CHD9: variants seen among roughly 807,000 people sequenced by gnomAD.
CHD9 encodes the protein chromodomain helicase DNA binding protein 9.
In CHD9, 77 loss-of-function variants were observed where a neutral mutation model predicts 316.1. The ratio of observed to expected loss-of-function variants is 0.24; its 90% CI spans 0.20 to 0.29. The LOEUF (loss-of-function observed/expected upper bound fraction) is 0.29. Ranked by LOEUF, CHD9 falls within the 10% of genes least tolerant of loss-of-function variation. The pLI, the probability that CHD9 is intolerant of heterozygous loss-of-function variation, is 1.00. For missense variants in CHD9, 2,763 were observed against 3,438.1 expected, an observed-to-expected ratio of 0.80 and a Z score of 4.91; for synonymous variants, 1,129 against 1,158.3, an observed-to-expected ratio of 0.97 and a Z score of 0.51.
intron 28 of CHD9, among the ~76,000 whole-genome samples, chr16:53,292,251 A>T (rs1050661604): frequency 6.6e-6 from 1 of 152,220 alleles, no homozygotes; most frequent in African/African-American, 2.4e-5. Flanking sequence ...CCATAGTTCA[A>T]CTAGGAATGA....
At chr16:53,283,250 T>C (rs976038241) in intron 24 of CHD9, among the ~76,000 whole-genome samples, 2 of 152,222 alleles carry the variant, frequency 1.3e-5, no homozygotes, top group Non-Finnish European at 2.9e-5. Flanking sequence ...CAAGGGCATG[T>C]GCATGACTAT....
intron 2 of CHD9, chr16:53,208,470 AGC>A (rs2046062682): frequency 8.6e-7 from 1 of 1,163,296 alleles, no homozygotes; most frequent in Admixed American, 3.8e-5. Flanking sequence ...CGCCATCTTG[AGC>A]TTGTTGCTGT....
chr16:53,309,845 TA>T (rs1252446707), intron 34 of CHD9, among the ~76,000 whole-genome samples: 2 of 149,246 alleles, frequency 1.3e-5, no homozygotes, highest in East Asian at 1.9e-4. Context: ...AATGAAAATT[TA>T]AAAAAAAAAG....
At chr16:53,196,317 C>A (rs569582182) in intron 2 of CHD9, among the ~76,000 whole-genome samples, 4 of 152,264 alleles carry the variant, frequency 2.6e-5, no homozygotes, top group Admixed American at 2.0e-4. Context: ...TGTAACCAAA[C>A]CTACCTCTCT....
chr16:53,138,484 T>C (rs535962914), intron 1 of CHD9, among the ~76,000 whole-genome samples: 2 of 152,204 alleles, frequency 1.3e-5, no homozygotes, highest in African/African-American at 4.8e-5. Flanking sequence ...AGGAAAGCCA[T>C]AGGGAAGAAA....
At chr16:53,057,379 TGCA>T (rs745902133) in intron 1 of CHD9, among the ~76,000 whole-genome samples, 4 of 149,158 alleles carry the variant, frequency 2.7e-5, no homozygotes, top group Non-Finnish European at 5.9e-5. Flanking sequence ...AAAGGCCGGG[TGCA>T]GTGGCTCATG....
intron 30 of CHD9, among the ~76,000 whole-genome samples, chr16:53,302,697 G>A (rs1401715703): frequency 2.0e-5 from 3 of 152,028 alleles, no homozygotes; most frequent in African/African-American, 7.2e-5. Flanking sequence ...TATTTAATCA[G>A]TTATTTATTC....
intron 6 of CHD9, 32 bp from the exon 7 acceptor site, chr16:53,227,516 A>G: frequency 1.4e-6 from 2 of 1,478,566 alleles, no homozygotes; most frequent in African/African-American, 2.8e-5. Flanking sequence ...GCCTGTTTAA[A>G]AGAGTCACCA....
chr16:53,313,898 AG>A (rs1341946641), intron 34 of CHD9, among the ~76,000 whole-genome samples: 3 of 151,656 alleles, frequency 2.0e-5, no homozygotes, highest in African/African-American at 7.3e-5. Flanking sequence ...GCTTGCAGTG[AG>A]CCAAGATCGT....
At chr16:53,297,924 C>G (rs1487247872) in intron 30 of CHD9, among the ~76,000 whole-genome samples, 1 of 152,164 alleles carries the variant, frequency 6.6e-6, no homozygotes, top group African/African-American at 2.4e-5. Flanking sequence ...AGTCTGTTTT[C>G]AGGTCTACTG....
chr16:53,245,869 A>C lies in CHD9; in HGVS notation c.3454+19A>C. 2.7e-6 allele frequency: 4 copies of C among 1,456,146 alleles called. No individual in the cohort carries two copies. The highest frequency in any genetic ancestry group is 2.0e-4 in the Middle Eastern group (1 of 4,948). The allele number at this position is 1,456,146 out of a possible 1,614,324, so 90.2% of individuals were successfully genotyped here. ...ATAAAAGGTAGCTAAAAAAGATTAC[A>C]ACAAATATGTTTTTTCTTGCAACAA... is the stretch of plus-strand genomic sequence containing the variant. On this transcript the variant is annotated intron_variant, in intron 15 of 38. Coordinates refer to ENST00000447540, the MANE Select transcript of CHD9 (RefSeq NM_001308319.2). This position sits in a 1 kb window ranked among gnomAD's most constrained non-coding sequence, Gnocchi z 4.1.
chr16:53,319,165 CACT>C (rs1299883617), intron 37 of CHD9, among the ~76,000 whole-genome samples: 3 of 152,170 alleles, frequency 2.0e-5, no homozygotes, highest in African/African-American at 7.2e-5. Context: ...AGCTTTGACA[CACT>C]TTTTTATTCT....
At chr16:53,069,112 T>TG (rs2033780765) in intron 1 of CHD9, among the ~76,000 whole-genome samples, 1 of 152,148 alleles carries the variant, frequency 6.6e-6, no homozygotes, top group Non-Finnish European at 1.5e-5. Context: ...TCAGCAATTC[T>TG]CCTTGCCTCA....
intron 38 of CHD9, among the ~76,000 whole-genome samples, chr16:53,322,239 C>T (rs892047023): frequency 5.9e-5 from 9 of 151,702 alleles, no homozygotes; most frequent in African/African-American, 2.2e-4. Context: ...TCAAGTGATC[C>T]ACCCACCTCA....
chr16:53,141,501 T>G (rs2040105795), intron 1 of CHD9, among the ~76,000 whole-genome samples: 1 of 152,194 alleles, frequency 6.6e-6, no homozygotes, highest in African/African-American at 2.4e-5. Context: ...TACAGTTCAG[T>G]GGGGGCATTC....
chr16:53,181,518 A>G (rs2043517614), intron 2 of CHD9, among the ~76,000 whole-genome samples: 3 of 152,176 alleles, frequency 2.0e-5, no homozygotes, highest in African/African-American at 4.8e-5. Flanking sequence ...GAGCAGACCA[A>G]TATAAATGTC....
intron 2 of CHD9, among the ~76,000 whole-genome samples, chr16:53,201,255 T>A (rs1227351209): frequency 1.3e-5 from 2 of 152,216 alleles, no homozygotes; most frequent in Admixed American, 1.3e-4. Flanking sequence ...TTTGACTTAT[T>A]TGGAAGCAAC....
chr16:53,309,242 C>A lies in CHD9; in HGVS notation c.7222+388C>A, dbSNP rs149215277. Among the ~76,000 whole-genome samples, 370 of 152,282 alleles carry A rather than the reference C, an allele frequency of 2.4e-3. 2 individuals carry two copies. Among genetic ancestry groups the A allele is most frequent in the African/African-American group, 8.0e-3 (331 of 41,550 alleles). ...GGCATCTTCAGGATACAGGTGTTATCTATGACTAATCCCTAAAAGGTAATT... is the reference window on the plus strand; with the variant it reads ...GGCATCTTCAGGATACAGGTGTTATATATGACTAATCCCTAAAAGGTAATT... On this transcript the variant is annotated intron_variant, in intron 34 of 38. Coordinates refer to ENST00000447540, the MANE Select transcript of CHD9 (RefSeq NM_001308319.2).
chr16:53,250,135 A>C, intron 17 of CHD9, 69 bp downstream of exon 17: 1 of 1,067,578 alleles, frequency 9.4e-7, no homozygotes. Flanking sequence ...CTTTTTGGTA[A>C]TCCACATCTT....
Sources: gnomAD v4.1 joint callset for allele counts (sites outside exome capture counted in the v4.1 genomes callset) on GRCh38, gnomAD v4.1.1 for gene constraint, Gnocchi (gnomAD v3.1) non-coding constraint, MANE v1.5 for transcripts, NCBI Gene and HGNC (gene_info 2026-07-23, HGNC 2026-07-21) for gene names.